MMP26: variants seen among roughly 807,000 people sequenced by gnomAD.
MMP26 encodes the protein matrix metallopeptidase 26, also known as matrix metalloproteinase-26.
A neutral mutation model predicts 31.0 loss-of-function variants in MMP26; 33 were observed. The ratio of observed to expected loss-of-function variants is 1.06; its 90% CI spans 0.81 to 1.42. The LOEUF (loss-of-function observed/expected upper bound fraction) is 1.42, where lower values mean the gene tolerates loss of function less well. Ranked by LOEUF, MMP26 falls within the 40% of genes most tolerant of loss-of-function variation. The pLI is 0.00. For synonymous variants in MMP26, 122 were observed against 114.9 expected (o/e 1.06, Z -0.40); for missense variants, 347 against 316.1 (o/e 1.10, Z -0.74).
At chr11:4,775,256 T>C (rs932387596) in intron 2 of MMP26, among the ~76,000 whole-genome samples, 1 of 152,238 alleles carries the variant, frequency 6.6e-6, no homozygotes, top group Non-Finnish European at 1.5e-5. Flanking sequence ...TTCCTATCCA[T>C]GAACATGGAA....
intron 1 of MMP26, among the ~76,000 whole-genome samples, chr11:4,706,750 G>C (rs978006166): frequency 6.6e-6 from 1 of 152,046 alleles, no homozygotes; most frequent in Non-Finnish European, 1.5e-5. Context: ...CTTTATACCT[G>C]TTTAACAGCA....
intron 2 of MMP26, among the ~76,000 whole-genome samples, chr11:4,811,871 G>A (rs1444804824): frequency 6.6e-6 from 1 of 152,120 alleles, no homozygotes; most frequent in African/African-American, 2.4e-5. Flanking sequence ...GGAGTATATA[G>A]TAGAAATGTC....
chr11:4,964,616 C>T (rs190987820), intron 2 of MMP26, among the ~76,000 whole-genome samples: 1 of 152,158 alleles, frequency 6.6e-6, no homozygotes, highest in East Asian at 1.9e-4. Context: ...TATACGTGCA[C>T]ACATATGTTC....
At chr11:4,789,943 A>T (rs1473297933) in intron 2 of MMP26, among the ~76,000 whole-genome samples, 1 of 152,204 alleles carries the variant, frequency 6.6e-6, no homozygotes, top group Admixed American at 6.5e-5. Context: ...AACAATATAG[A>T]TAAGAAGATT....
intron 2 of MMP26, among the ~76,000 whole-genome samples, chr11:4,983,938 C>T (rs1846850207): frequency 6.6e-6 from 1 of 152,154 alleles, no homozygotes; most frequent in Admixed American, 6.5e-5. Flanking sequence ...TTGAGAAACA[C>T]TGTTGTGCTT....
intron 2 of MMP26, among the ~76,000 whole-genome samples, chr11:4,933,787 T>C (rs1410817709): frequency 5.5e-5 from 8 of 145,718 alleles, no homozygotes; most frequent in African/African-American, 1.8e-4. Flanking sequence ...TGTGATCTCA[T>C]TGTTCAATTC....
intron 2 of MMP26, chr11:4,913,816 T>A (rs917354674): frequency 2.6e-5 from 4 of 152,186 alleles, no homozygotes; most frequent in African/African-American, 9.6e-5. Context: ...GACTGGAACA[T>A]ATTTTTGTCT....
chr11:4,756,967 T>A (rs917192464), intron 1 of MMP26, among the ~76,000 whole-genome samples: 5 of 152,170 alleles, frequency 3.3e-5, no homozygotes, highest in African/African-American at 1.2e-4. Context: ...GCTATAAATT[T>A]AATGTAATAT....
chr11:4,825,754 G>C (rs1035821591), intron 2 of MMP26, among the ~76,000 whole-genome samples: 1 of 152,102 alleles, frequency 6.6e-6, no homozygotes, highest in African/African-American at 2.4e-5. Flanking sequence ...CTAGCAACCA[G>C]ATTTTGTTAT....
chr11:4,706,473 C>T (rs180688144), intron 1 of MMP26, among the ~76,000 whole-genome samples: 266 of 148,544 alleles, frequency 1.8e-3, no homozygotes, highest in African/African-American at 6.1e-3. Context: ...CTTTACTTGG[C>T]GAGCTGAGGC....
intron 2 of MMP26, among the ~76,000 whole-genome samples, chr11:4,810,980 A>G (rs1452171783): frequency 6.6e-6 from 1 of 152,198 alleles, no homozygotes; most frequent in Non-Finnish European, 1.5e-5. Context: ...ACAATTACCA[A>G]GGTTATCAGG....
At chr11:4,817,451 G>A (rs1184486341) in intron 2 of MMP26, among the ~76,000 whole-genome samples, 1 of 152,094 alleles carries the variant, frequency 6.6e-6, no homozygotes, top group African/African-American at 2.4e-5. Flanking sequence ...GGTAGGTGTG[G>A]TGGTATGCAC....
chr11:4,807,978 G>A, intron 2 of MMP26, among the ~76,000 whole-genome samples: 1 of 151,900 alleles, frequency 6.6e-6, no homozygotes, highest in East Asian at 1.9e-4. Context: ...CAAATTTTTT[G>A]TATTTTTAAT....
intron 2 of MMP26, among the ~76,000 whole-genome samples, chr11:4,909,944 C>T (rs568236888): frequency 6.6e-6 from 1 of 152,064 alleles, no homozygotes; most frequent in Non-Finnish European, 1.5e-5. Flanking sequence ...ATATCCAAAC[C>T]TCGGTTTTTG....
chr11:4,956,515 CA>C (rs1445193726), intron 2 of MMP26, among the ~76,000 whole-genome samples: 2 of 152,152 alleles, frequency 1.3e-5, no homozygotes, highest in African/African-American at 4.8e-5. Context: ...AAATTCTCTG[CA>C]AAAGCTTGGA....
At chr11:4,853,955 A>T (rs1228472531) in intron 2 of MMP26, among the ~76,000 whole-genome samples, 1 of 152,246 alleles carries the variant, frequency 6.6e-6, no homozygotes, top group Non-Finnish European at 1.5e-5. Context: ...ATTTATGCGT[A>T]AGTGCAGAGT....
intron 2 of MMP26, among the ~76,000 whole-genome samples, chr11:4,780,846 AAT>A (rs1208524525): frequency 6.6e-6 from 1 of 151,438 alleles, no homozygotes; most frequent in Non-Finnish European, 1.5e-5. Context: ...TATATTGATA[AAT>A]ATATAAATTA....
chr11:4,990,793 A>G (rs1357818534), intron 5 of MMP26, 47 bp downstream of exon 5: 4 of 1,576,380 alleles, frequency 2.5e-6, no homozygotes, highest in Non-Finnish European at 2.6e-6. Flanking sequence ...CCCTGTGTAA[A>G]GGACAAAGGG....
intron 1 of MMP26, 100 bp from the exon 2 acceptor site, chr11:4,767,170 T>C (rs1037356317): frequency 4.6e-5 from 7 of 152,216 alleles, no homozygotes; most frequent in Non-Finnish European, 2.9e-5. Flanking sequence ...TTGTGTTTCA[T>C]AATTTTCATG....
Sources: allele counts gnomAD v4.1 joint callset (sites outside exome capture counted in the v4.1 genomes callset), GRCh38; gene constraint gnomAD v4.1.1; transcripts MANE v1.5; gene names NCBI Gene and HGNC (gene_info 2026-07-23, HGNC 2026-07-21).